Variants in MAP3K19 observed in about 807,000 individuals in gnomAD.
MAP3K19 encodes the protein SPS1/STE20-related protein kinase YSK4.
A neutral mutation model predicts 114.4 loss-of-function variants in MAP3K19; 91 were observed. The observed-to-expected ratio is 0.80, with a 90% CI of 0.67 to 0.95. The LOEUF (loss-of-function observed/expected upper bound fraction) is 0.95. Ranked by LOEUF, MAP3K19 falls within the 40% of genes least tolerant of loss-of-function variation. The pLI is 0.00. For synonymous variants in MAP3K19, 518 were observed against 530.5 expected (o/e 0.98, Z 0.32); for missense variants, 1,471 against 1,573.2 (o/e 0.94, Z 1.10).
At chr2:134,974,876 T>C (rs1684116627) in intron 12 of MAP3K19, among the ~76,000 whole-genome samples, 1 of 152,244 alleles carries the variant, frequency 6.6e-6, no homozygotes, top group Admixed American at 6.5e-5. Flanking sequence ...CCTGAAGATG[T>C]ATCTATGGTG....
chr2:135,027,446 GA>G (rs1423785305), intron 3 of MAP3K19, among the ~76,000 whole-genome samples: 1 of 152,092 alleles, frequency 6.6e-6, no homozygotes, highest in African/African-American at 2.4e-5. Flanking sequence ...GGGTAAAAAA[GA>G]AGCTTTGTGT....
intron 5 of MAP3K19, among the ~76,000 whole-genome samples, chr2:135,009,534 C>T (rs780554743): frequency 1.3e-5 from 2 of 152,032 alleles, no homozygotes; most frequent in Non-Finnish European, 2.9e-5. Flanking sequence ...AAACAGCAGC[C>T]TTCATTTGGA....
chr2:135,027,111 G>A (rs1688272375), intron 3 of MAP3K19, among the ~76,000 whole-genome samples: 1 of 152,096 alleles, frequency 6.6e-6, no homozygotes, highest in African/African-American at 2.4e-5. Flanking sequence ...CGGGCATAGT[G>A]GTATGTGCCT....
rs1270332881 is a variant in MAP3K19, at chr2:134,971,175, CA to C, written c.3921-6260del. ...TCTTTTCTGTTTCTATTGAGATGGT[CA>C]TATTGTTTTTGTCCTTCATTCTGTT... is the stretch of plus-strand genomic sequence containing the variant. On this transcript the variant is annotated intron_variant, in intron 12 of 12. Transcript: ENST00000392915. Among the ~76,000 whole-genome samples, 17 of 152,216 alleles carry C rather than the reference CA, an allele frequency of 1.1e-4. 1 individual carries two copies. In the East Asian group the frequency reaches 3.3e-3, roughly 29 times the overall value.
Position 134,999,534 on chromosome 2 carries a change from C to T in MAP3K19, c.314+403G>A, listed in dbSNP as rs771180571. ...CTTTGCAACTTTTTTAATGGTCACC[C>T]TCGCAGCCTGTCCTGACCTCATCAT... On this transcript the variant is annotated intron_variant, in intron 7 of 12. Transcript: ENST00000392915. This position sits in a 1 kb window ranked among gnomAD's most constrained non-coding sequence, Gnocchi z 4.1. Among the ~76,000 whole-genome samples the T allele has an allele frequency of 1.3e-5, 2 of 152,172 alleles. No individual in the cohort carries two copies. The highest frequency in any genetic ancestry group is 2.9e-5 in the Non-Finnish European group (2 of 68,028).
intron 12 of MAP3K19, among the ~76,000 whole-genome samples, chr2:134,976,409 C>T (rs1437350973): frequency 6.6e-6 from 1 of 152,226 alleles, no homozygotes; most frequent in Non-Finnish European, 1.5e-5. Flanking sequence ...CCTTTCCCCA[C>T]ACTAGGGAGG....
intron 8 of MAP3K19, among the ~76,000 whole-genome samples, chr2:134,997,727 G>A (rs1001951614): frequency 8.6e-5 from 13 of 151,288 alleles, no homozygotes; most frequent in African/African-American, 3.2e-4. Flanking sequence ...GCTGAGGCAT[G>A]AGAATTGCTT....
intron 2 of MAP3K19, among the ~76,000 whole-genome samples, chr2:135,034,216 C>T (rs567450212): frequency 3.4e-5 from 4 of 116,704 alleles, no homozygotes; most frequent in East Asian, 2.7e-4. Context: ...GGATGGTGGC[C>T]GGGAAGAGGT....
At position 134,988,201 on chromosome 2, in the gene MAP3K19, A is replaced by G. The variant is rs376730275; in HGVS notation, c.671T>C (p.Ile224Thr). 1.2e-6 allele frequency: 2 copies of G among 1,609,730 alleles called. No individual in the cohort carries two copies. Among genetic ancestry groups the G allele is most frequent in the Non-Finnish European group, 1.7e-6 (2 of 1,178,396 alleles). Residue 224 changes from isoleucine to threonine, a missense_variant, in exon 10 of 13, where the codon ATC becomes ACC. Physicochemically the swap from Ile to Thr is moderately conservative, Grantham distance 89. Transcript: ENST00000392915. ...LLPTRSGVLT[I>T]PQNHKFPKEK... ...TTTTGGAAACTTGTGATTTTGGGGG[A>G]TAGTAAGGACACCAGATCGCGTGGG...
At chr2:135,036,127 C>T (rs561101848) in intron 2 of MAP3K19, among the ~76,000 whole-genome samples, 5 of 152,280 alleles carry the variant, frequency 3.3e-5, no homozygotes, top group South Asian at 2.1e-4. Flanking sequence ...AGCCACTGGG[C>T]GCCTGGCCAA....
chr2:135,041,074 C>T (rs1356990741), intron 1 of MAP3K19, among the ~76,000 whole-genome samples: 1 of 151,802 alleles, frequency 6.6e-6, no homozygotes, highest in Non-Finnish European at 1.5e-5. Context: ...TGTTTATTAA[C>T]CACCTTATAC....
At chr2:135,015,673 T>A (rs1479687950) in intron 5 of MAP3K19, among the ~76,000 whole-genome samples, 1 of 152,046 alleles carries the variant, frequency 6.6e-6, no homozygotes. Context: ...GGTGGGTGGA[T>A]CACGAGGTCA....
At chr2:135,041,848 A>T (rs1688651347) in intron 1 of MAP3K19, among the ~76,000 whole-genome samples, 1 of 152,252 alleles carries the variant, frequency 6.6e-6, no homozygotes, top group African/African-American at 2.4e-5. Flanking sequence ...AACAAGAAAA[A>T]GTCTAGATTT....
intron 9 of MAP3K19, among the ~76,000 whole-genome samples, chr2:134,990,219 T>C (rs1685463758): frequency 6.6e-6 from 1 of 152,158 alleles, no homozygotes; most frequent in African/African-American, 2.4e-5. Flanking sequence ...TGTGAGTTGT[T>C]GTTTTTCCAA....
At chr2:134,997,208 C>A (rs1686061584) in intron 8 of MAP3K19, among the ~76,000 whole-genome samples, 1 of 152,190 alleles carries the variant, frequency 6.6e-6, no homozygotes, top group Admixed American at 6.5e-5. Flanking sequence ...CACTGCTTCA[C>A]CATTATGCCA....
chr2:135,017,258 C>G (rs1051281218), intron 5 of MAP3K19, among the ~76,000 whole-genome samples: 1 of 152,154 alleles, frequency 6.6e-6, no homozygotes, highest in Non-Finnish European at 1.5e-5. Context: ...TTTCAGGGAA[C>G]TTAAAAATGT....
chr2:134,964,988 G>GTGAACT, intron 12 of MAP3K19, 72 bp from the exon 13 acceptor site: 1 of 1,165,670 alleles, frequency 8.6e-7, no homozygotes, highest in Non-Finnish European at 1.3e-6. Context: ...CTACTTAAAT[G>GTGAACT]TGAACTTTTA....
intron 1 of MAP3K19, among the ~76,000 whole-genome samples, chr2:135,042,838 T>A (rs540970168): frequency 6.6e-6 from 1 of 152,200 alleles, no homozygotes; most frequent in Non-Finnish European, 1.5e-5. Flanking sequence ...TCCCAGCACT[T>A]TGGGAGGCCG....
chr2:135,015,383 A>G (rs1435496263), intron 5 of MAP3K19, among the ~76,000 whole-genome samples: 1 of 152,112 alleles, frequency 6.6e-6, no homozygotes, highest in African/African-American at 2.4e-5. Flanking sequence ...CCCACTTTCT[A>G]TTAGCCTATC....
Sources: gnomAD v4.1 joint callset for allele counts (sites outside exome capture counted in the v4.1 genomes callset) on GRCh38, gnomAD v4.1.1 for gene constraint, Gnocchi (gnomAD v3.1) non-coding constraint, MANE v1.5 for transcripts, NCBI Gene and HGNC (gene_info 2026-07-23, HGNC 2026-07-21) for gene names.